Variants in DLG2 observed in about 807,000 individuals in gnomAD.
DLG2 encodes disks large homolog 2.
Under a neutral mutation model 132.5 loss-of-function variants are expected in DLG2, and 45 were observed. That is an observed-to-expected ratio of 0.34 (90% confidence interval 0.27 to 0.44). DLG2 has a LOEUF of 0.44. Ranked by LOEUF, DLG2 falls within the 20% of genes least tolerant of loss-of-function variation. The pLI is 1.00. For missense variants in DLG2, 1,045 were observed against 1,196.9 expected (o/e 0.87, Z 1.87); for synonymous variants, 424 against 419.6 (o/e 1.01, Z -0.13).
intron 6 of DLG2, among the ~76,000 whole-genome samples, chr11:85,097,208 A>G (rs1036506305): frequency 2.6e-5 from 4 of 152,082 alleles, no homozygotes; most frequent in African/African-American, 7.2e-5. Flanking sequence ...AGTTTCTCCT[A>G]TAAGAATGAT....
At chr11:84,774,793 A>C (rs2070139711) in intron 6 of DLG2, among the ~76,000 whole-genome samples, 1 of 152,156 alleles carries the variant, frequency 6.6e-6, no homozygotes, top group Non-Finnish European at 1.5e-5. Context: ...AAATTAACTC[A>C]AGATTGATTT....
At chr11:84,691,736 A>G (rs768175761) in intron 6 of DLG2, among the ~76,000 whole-genome samples, 83 of 151,704 alleles carry the variant, frequency 5.5e-4, no homozygotes, top group African/African-American at 1.5e-3. Flanking sequence ...TTAGATGTAC[A>G]GCACTCTAGT....
chr11:85,152,472 C>T (rs2077319314), intron 5 of DLG2, among the ~76,000 whole-genome samples: 1 of 152,106 alleles, frequency 6.6e-6, no homozygotes, highest in Admixed American at 6.5e-5. Context: ...CTCGTGGCCT[C>T]AAGTGATCCA....
At chr11:85,574,688 C>T (rs756435172) in intron 3 of DLG2, among the ~76,000 whole-genome samples, 3 of 152,024 alleles carry the variant, frequency 2.0e-5, no homozygotes, top group Non-Finnish European at 4.4e-5. Flanking sequence ...AGTCTGGGAC[C>T]CACCCCTCGT....
At chr11:85,340,732 A>T (rs2082433225) in intron 3 of DLG2, among the ~76,000 whole-genome samples, 1 of 152,092 alleles carries the variant, frequency 6.6e-6, no homozygotes, top group Admixed American at 6.6e-5. Context: ...AGATGTCCTT[A>T]ATTTTGTTTA....
intron 7 of DLG2, among the ~76,000 whole-genome samples, chr11:84,393,350 G>T (rs549066449): frequency 5.8e-4 from 88 of 152,104 alleles, no homozygotes; most frequent in Non-Finnish European, 9.9e-4. Flanking sequence ...TAAAATATGT[G>T]CAGTTTAAAA....
intron 6 of DLG2, chr11:84,546,433 T>A (rs1328411290): frequency 4.4e-6 from 1 of 225,298 alleles, no homozygotes; most frequent in Non-Finnish European, 9.2e-6. Context: ...CATGAGCCAA[T>A]TAAACCTCTT....
chr11:85,516,514 T>C (rs980614801), intron 3 of DLG2, among the ~76,000 whole-genome samples: 37 of 152,064 alleles, frequency 2.4e-4, no homozygotes, highest in East Asian at 1.4e-3. Flanking sequence ...TTTCTGTAAA[T>C]GTAAACAAAA....
chr11:85,608,521 C>T (rs1333467553), intron 2 of DLG2, among the ~76,000 whole-genome samples: 1 of 152,152 alleles, frequency 6.6e-6, no homozygotes, highest in Admixed American at 6.5e-5. Context: ...TTGCAATTTA[C>T]ATCCCACAGG....
At chr11:83,877,204 A>T (rs1459976038) in intron 15 of DLG2, among the ~76,000 whole-genome samples, 1 of 152,154 alleles carries the variant, frequency 6.6e-6, no homozygotes, top group Non-Finnish European at 1.5e-5. Flanking sequence ...AAACACCCTA[A>T]CAATTTAATA....
At chr11:85,007,007 A>G (rs1189803560) in intron 6 of DLG2, among the ~76,000 whole-genome samples, 1 of 152,106 alleles carries the variant, frequency 6.6e-6, no homozygotes, top group Non-Finnish European at 1.5e-5. Context: ...CTTTTTGAGA[A>G]CTTGATTTAT....
At chr11:83,990,592 G>A (rs1165741708) in intron 11 of DLG2, among the ~76,000 whole-genome samples, 3 of 152,116 alleles carry the variant, frequency 2.0e-5, no homozygotes, top group Non-Finnish European at 4.4e-5. Context: ...CTGAAGCTCA[G>A]AATAAATACT....
At chr11:84,978,518 A>G (rs2055245629) in intron 6 of DLG2, among the ~76,000 whole-genome samples, 1 of 152,194 alleles carries the variant, frequency 6.6e-6, no homozygotes, top group African/African-American at 2.4e-5. Flanking sequence ...AGAGCCCTCT[A>G]CAACCATCTG....
At chr11:84,301,790 C>T (rs2098158191) in intron 7 of DLG2, among the ~76,000 whole-genome samples, 1 of 151,740 alleles carries the variant, frequency 6.6e-6, no homozygotes, top group Admixed American at 6.6e-5. Context: ...GACAGCATGG[C>T]AATTCCTCAA....
chr11:83,718,532 G>GAAAA lies in DLG2; in HGVS notation c.1825+68154_1825+68157dup, dbSNP rs57237354. Among the ~76,000 whole-genome samples, 620 of 106,256 alleles carry GAAAA rather than the reference G, an allele frequency of 5.8e-3. 18 individuals are homozygous for GAAAA. The highest frequency in any genetic ancestry group is 0.019 in the African/African-American group (519 of 27,450). The allele number at this position is 106,256 out of a possible 152,430, so 69.7% of individuals were successfully genotyped here. On this transcript the variant is annotated intron_variant, in intron 18 of 27. Coordinates refer to ENST00000376104, the MANE Select transcript of DLG2 (RefSeq NM_001142699.3). ...AGAGTGAAACTCCATCTCAAAAAAAGAAAAAAAAAAAAAAAAAAAGAAAGA... is the reference window on the plus strand; with the variant it reads ...AGAGTGAAACTCCATCTCAAAAAAAGAAAAAAAAAAAAAAAAAAAAAAAGAAAGA...
intron 3 of DLG2, among the ~76,000 whole-genome samples, chr11:85,557,984 T>G (rs1416932146): frequency 6.6e-6 from 1 of 151,904 alleles, no homozygotes; most frequent in Non-Finnish European, 1.5e-5. Context: ...AAAGAGTTTC[T>G]GCACAGCAAA....
chr11:83,570,083 C>A (rs2096773702), intron 19 of DLG2, among the ~76,000 whole-genome samples: 1 of 152,206 alleles, frequency 6.6e-6, no homozygotes, highest in African/African-American at 2.4e-5. Context: ...GACATGGTAT[C>A]TACTTCATAT....
chr11:84,504,503 A>G (rs1345899973), intron 7 of DLG2, among the ~76,000 whole-genome samples: 2 of 152,224 alleles, frequency 1.3e-5, no homozygotes, highest in Non-Finnish European at 2.9e-5. Flanking sequence ...TATCAAAGAT[A>G]CAATTTAAGC....
chr11:83,484,232 T>G lies in DLG2; in HGVS notation c.2194-4A>C. ...TTTTACGCTTGTCATTGAATGACTG[T>G]GAAGGAGAAAAGGCATGGGGCAAAA... is the stretch of plus-strand genomic sequence containing the variant. On this transcript the variant is annotated splice_polypyrimidine_tract_variant and splice_region_variant and intron_variant, in intron 21 of 27. Coordinates refer to ENST00000376104, the MANE Select transcript of DLG2 (RefSeq NM_001142699.3). The G allele has an allele frequency of 6.2e-7, 1 of 1,610,950 alleles. No homozygotes were observed. The highest frequency in any genetic ancestry group is 8.5e-7 in the Non-Finnish European group (1 of 1,177,992).
Sources: gnomAD v4.1 joint callset for allele counts (sites outside exome capture counted in the v4.1 genomes callset) on GRCh38, gnomAD v4.1.1 for gene constraint, MANE v1.5 for transcripts, NCBI Gene and HGNC (gene_info 2026-07-23, HGNC 2026-07-21) for gene names.